Variants in SNTB2 observed in about 807,000 individuals in gnomAD.
SNTB2 encodes the protein beta-2-syntrophin.
A neutral mutation model predicts 46.2 loss-of-function variants in SNTB2; 34 were observed. That is an observed-to-expected ratio of 0.74 (90% CI 0.56 to 0.98). SNTB2 has a LOEUF of 0.98. Among genes scored for constraint, SNTB2 ranks in the 50% least tolerant of loss-of-function variants. The pLI is 0.00. For missense variants in SNTB2, 603 were observed against 731.4 expected (o/e 0.82, Z 2.02); for synonymous variants, 290 against 312.6 (o/e 0.93, Z 0.76).
chr16:69,281,425 T>G (rs1026363121), intron 4 of SNTB2, among the ~76,000 whole-genome samples: 1 of 151,998 alleles, frequency 6.6e-6, no homozygotes, highest in African/African-American at 2.4e-5. Flanking sequence ...AGTATTGTGT[T>G]TTACACTTAG....
intron 1 of SNTB2, among the ~76,000 whole-genome samples, chr16:69,230,102 A>C (rs1444750700): frequency 1.3e-5 from 2 of 149,814 alleles, no homozygotes; most frequent in South Asian, 2.1e-4. Flanking sequence ...GCATGTATTT[A>C]AGTTAACTTT....
At chr16:69,279,515 C>CTTTTTTTTTT (rs57637291) in intron 4 of SNTB2, among the ~76,000 whole-genome samples, 911 of 71,742 alleles carry the variant, frequency 0.013, 160 homozygotes, top group Non-Finnish European at 0.019. Flanking sequence ...GTCCTTTGCC[C>CTTTTTTTTTT]TTTTTTTTTT....
At chr16:69,208,803 A>G (rs1233776040) in intron 1 of SNTB2, among the ~76,000 whole-genome samples, 2 of 151,934 alleles carry the variant, frequency 1.3e-5, no homozygotes, top group East Asian at 1.9e-4. Flanking sequence ...AGATCATCCT[A>G]GCTAACACAG....
At chr16:69,193,809 G>T (rs1964079093) in intron 1 of SNTB2, among the ~76,000 whole-genome samples, 1 of 152,186 alleles carries the variant, frequency 6.6e-6, no homozygotes, top group Non-Finnish European at 1.5e-5. Context: ...TTCAGGAAGA[G>T]CTGCGCCTCA....
At chr16:69,276,202 C>T (rs1321826289) in intron 4 of SNTB2, among the ~76,000 whole-genome samples, 1 of 136,806 alleles carries the variant, frequency 7.3e-6, no homozygotes, top group East Asian at 2.2e-4. Flanking sequence ...AAAAAGATCT[C>T]AAAAAAAAAA....
chr16:69,218,052 G>T (rs903814754), intron 1 of SNTB2, among the ~76,000 whole-genome samples: 3 of 152,110 alleles, frequency 2.0e-5, no homozygotes, highest in African/African-American at 7.2e-5. Context: ...TCTTCTCTAA[G>T]TATGGTAATT....
rs577033431 is a variant in SNTB2, at chr16:69,241,121, A to C, written c.581-4481A>C. On this transcript the variant is annotated intron_variant, in intron 1 of 6. Coordinates refer to ENST00000336278, the MANE Select transcript of SNTB2 (RefSeq NM_006750.4). ...GTGATCCACTCGCCTTGGCCTCCCA[A>C]AGTGCTGGGATTACAGGTATGAGCC... Among the ~76,000 whole-genome samples the C allele has an allele frequency of 1.6e-3, 233 of 150,110 alleles. 1 individual carries two copies. Among genetic ancestry groups the C allele is most frequent in the African/African-American group, 5.5e-3 (225 of 40,758 alleles).
chr16:69,219,577 AG>A (rs1211849381), intron 1 of SNTB2, among the ~76,000 whole-genome samples: 4 of 152,026 alleles, frequency 2.6e-5, no homozygotes, highest in Non-Finnish European at 5.9e-5. Flanking sequence ...ATAGTGCAAG[AG>A]GGGGAAAGAA....
intron 5 of SNTB2, among the ~76,000 whole-genome samples, chr16:69,285,453 C>CTATTTATTTATTTATTTATT (rs56095766): frequency 7.7e-6 from 1 of 130,548 alleles, no homozygotes; most frequent in Non-Finnish European, 1.6e-5. Context: ...CTTTGAGCTT[C>CTATTTATTTATTTATTTATT]TATTTATTTA....
chr16:69,292,391 T>TG, intron 5 of SNTB2, among the ~76,000 whole-genome samples: 1 of 10,042 alleles, frequency 1.0e-4, no homozygotes, highest in African/African-American at 1.4e-3. Flanking sequence ...ATATATATAT[T>TG]ATATATATAT....
Position 69,301,146 on chromosome 16 carries a change from G to C in SNTB2, c.*222G>C. On this transcript the variant is annotated 3_prime_UTR_variant, in exon 7 of 7. Transcript: ENST00000336278. ...CTCTAAAAGGCTCCAAAATGAAGCT[G>C]TTGATTTATTCTCATTTCAAAATAT... The C allele has an allele frequency of 2.4e-6, 1 of 416,262 alleles. No homozygotes were observed. Among genetic ancestry groups the C allele is most frequent in the Non-Finnish European group, 4.4e-6 (1 of 229,108 alleles). 25.8% of individuals were successfully genotyped at this position (416,262 alleles called of 1,614,324 possible).
At chr16:69,294,288 A>G (rs973471117) in intron 5 of SNTB2, among the ~76,000 whole-genome samples, 2 of 152,188 alleles carry the variant, frequency 1.3e-5, no homozygotes, top group East Asian at 3.9e-4. Flanking sequence ...GAGTGCTGGA[A>G]TTACAGGCAT....
At position 69,245,588 on chromosome 16, in the gene SNTB2, T is replaced by A. The variant is rs1199251193; in HGVS notation, c.581-14T>A. On this transcript the variant is annotated splice_polypyrimidine_tract_variant and intron_variant, in intron 1 of 6. Transcript: ENST00000336278. Reference sequence around the variant, plus strand: ...AAAATTACTAACCTTCTTCTTTGATTTTTTTGTTCATAGTCAAGTTCATCC... The same window carrying A: ...AAAATTACTAACCTTCTTCTTTGATATTTTTGTTCATAGTCAAGTTCATCC... 3 of 1,612,740 alleles carry A rather than the reference T, an allele frequency of 1.9e-6. No individual in the cohort carries two copies. Among genetic ancestry groups the A allele is most frequent in the Non-Finnish European group, 2.5e-6 (3 of 1,178,918 alleles).
intron 1 of SNTB2, among the ~76,000 whole-genome samples, chr16:69,229,808 C>G (rs1222699981): frequency 2.1e-5 from 3 of 142,902 alleles, no homozygotes; most frequent in Non-Finnish European, 4.5e-5. Context: ...TGCCACTGCA[C>G]TCCAGCCTGG....
chr16:69,308,840 G>A lies in SNTB2; in HGVS notation c.*7916G>A, dbSNP rs888767217. 6.6e-6 allele frequency: 1 copy of A among 152,190 alleles called. No homozygotes were observed. Among genetic ancestry groups the A allele is most frequent in the Non-Finnish European group, 1.5e-5 (1 of 68,024 alleles). 9.4% of individuals were successfully genotyped at this position (152,190 alleles called of 1,614,324 possible). On this transcript the variant is annotated 3_prime_UTR_variant, in exon 7 of 7. Transcript: ENST00000336278. ...GGATACCAAATCAAAAACCCAACGC[G>A]TAAAACAGGGCAGTATTTGTGTTCC... is the stretch of plus-strand genomic sequence containing the variant.
At chr16:69,259,247 T>C (rs1964810496) in intron 2 of SNTB2, among the ~76,000 whole-genome samples, 1 of 137,324 alleles carries the variant, frequency 7.3e-6, no homozygotes, top group East Asian at 2.0e-4. Context: ...TTTTTTTTTT[T>C]TTTTTTTTTT....
chr16:69,238,876 A>G (rs561187986), intron 1 of SNTB2, among the ~76,000 whole-genome samples: 16 of 151,772 alleles, frequency 1.1e-4, no homozygotes, highest in South Asian at 6.3e-4. Flanking sequence ...CTTTTATTCT[A>G]TTTTCAACAT....
At chr16:69,287,950 C>T (rs1437431012) in intron 5 of SNTB2, among the ~76,000 whole-genome samples, 8 of 150,530 alleles carry the variant, frequency 5.3e-5, no homozygotes, top group African/African-American at 1.5e-4. Context: ...CTGAGGTGGG[C>T]GGATCACTTG....
chr16:69,285,789 C>T (rs1965097268), intron 5 of SNTB2, among the ~76,000 whole-genome samples: 1 of 148,742 alleles, frequency 6.7e-6, no homozygotes, highest in African/African-American at 2.5e-5. Flanking sequence ...CTGGCCTTTT[C>T]AGTTTACTTA....
Sources: allele counts gnomAD v4.1 joint callset (sites outside exome capture counted in the v4.1 genomes callset), GRCh38; gene constraint gnomAD v4.1.1; transcripts MANE v1.5; gene names NCBI Gene and HGNC (gene_info 2026-07-23, HGNC 2026-07-21).